The following WASF3 variants were observed in gnomAD, a reference collection of about 807,000 sequenced individuals.
The protein encoded by WASF3 is actin-binding protein WASF3.
A neutral mutation model predicts 46.6 loss-of-function variants in WASF3; 11 were observed. That is an observed-to-expected ratio of 0.24 (90% CI 0.15 to 0.39). The LOEUF (loss-of-function observed/expected upper bound fraction) is 0.39, where lower values mean the gene tolerates loss of function less well. WASF3 is among the 10% of genes least tolerant of loss of function. The probability of loss-of-function intolerance (pLI) is 1.00; values close to 1 mark genes in which losing one functional copy is unlikely to be tolerated. For missense variants in WASF3, 576 were observed against 669.8 expected (o/e 0.86, Z 1.55); for synonymous variants, 242 against 259.7 (o/e 0.93, Z 0.65).
the WASF3 span, among the ~76,000 whole-genome samples, chr13:26,550,505 TA>T: frequency 6.6e-6 from 1 of 152,178 alleles, no homozygotes. Context: ...ACTCTCATTT[TA>T]TATAAGGGAA....
chr13:26,645,972 G>T (rs1041061408), intron 3 of WASF3, among the ~76,000 whole-genome samples: 6 of 152,156 alleles, frequency 3.9e-5, no homozygotes, highest in South Asian at 4.1e-4. Flanking sequence ...ACAAACTGAT[G>T]CCCCCAAATT....
At chr13:26,618,160 T>C (rs1315995168) in intron 2 of WASF3, among the ~76,000 whole-genome samples, 1 of 152,230 alleles carries the variant, frequency 6.6e-6, no homozygotes, top group African/African-American at 2.4e-5. Flanking sequence ...TGGAAGGCCA[T>C]AGTCACTATT....
chr13:26,622,483 C>T (rs1306372481), intron 2 of WASF3: 2 of 152,196 alleles, frequency 1.3e-5, no homozygotes, highest in Non-Finnish European at 1.5e-5. Context: ...ACAGTGTATT[C>T]TATGCATGAA....
In WASF3 at chr13:26,681,088, C is replaced by G; in HGVS notation, c.751C>G (p.Pro251Ala). ...HASDVTDYSY[P>A]ATPNHSLHPQ... ...ATCGGACGTTACGGATTACTCTTAC[C>G]CGGCTACTCCCAACCATTCTCTGCA... The change falls in exon 8 of 10, where the codon CCG (proline) becomes GCG (alanine). Residue 251 changes from proline to alanine, a missense_variant. By Grantham distance (27) the Pro-to-Ala change is conservative (BLOSUM62 -1). Around this residue, in one of 3 missense-constraint regions of WASF3, gnomAD observed 295 missense variants for 291.5 expected, o/e 1.01. Coordinates refer to ENST00000335327, the MANE Select transcript of WASF3 (RefSeq NM_006646.6). 1 of 1,613,998 alleles carries G rather than the reference C, an allele frequency of 6.2e-7. No individual in the cohort carries two copies. The highest frequency in any genetic ancestry group is 8.5e-7 in the Non-Finnish European group (1 of 1,179,958).
At chr13:26,580,935 T>TC (rs1879963009) in intron 1 of WASF3, among the ~76,000 whole-genome samples, 1 of 149,590 alleles carries the variant, frequency 6.7e-6, no homozygotes, top group African/African-American at 2.5e-5. Flanking sequence ...TAAATTTCTT[T>TC]TTTTTTTTTT....
At chr13:26,671,793 A>C in intron 5 of WASF3, 79 bp from the exon 6 acceptor site, 1 of 958,960 alleles carries the variant, frequency 1.0e-6, no homozygotes, top group Non-Finnish European at 1.6e-6. Context: ...TCATGAGTTC[A>C]AATCAAGTTA....
At position 26,687,868 on chromosome 13, in the gene WASF3, A is replaced by C. The variant is rs572312394; in HGVS notation, c.*2023A>C. On this transcript the variant is annotated 3_prime_UTR_variant, in exon 10 of 10. Coordinates refer to ENST00000335327, the MANE Select transcript of WASF3 (RefSeq NM_006646.6). ...TGTGGGTCTAGAACTCCCCTTTGGT[A>C]ATGCTTCTTTGTTTTTTTATGGCCC... 4.6e-5 allele frequency: 7 copies of C among 152,072 alleles called. No individual in the cohort carries two copies. The South Asian group carries it at 1.2e-3, about 27-fold the overall frequency. The allele number at this position is 152,072 out of a possible 1,614,324, so 9.4% of individuals were successfully genotyped here. A position where few individuals can be genotyped will look rare whatever the true frequency, so the allele number is the denominator to read the frequency against.
At chr13:26,571,756 A>G (rs921419237) in intron 1 of WASF3, among the ~76,000 whole-genome samples, 3 of 152,226 alleles carry the variant, frequency 2.0e-5, no homozygotes, top group African/African-American at 7.2e-5. Context: ...GTTGAGCTCC[A>G]TTAAAAAGCT....
chr13:26,613,567 C>A (rs539428927), intron 2 of WASF3, among the ~76,000 whole-genome samples: 1 of 152,016 alleles, frequency 6.6e-6, no homozygotes, highest in Admixed American at 6.6e-5. Flanking sequence ...CAGGAGATCG[C>A]GACCATCCTG....
chr13:26,558,403 C>G (rs547151275), intron 1 of WASF3, among the ~76,000 whole-genome samples: 8 of 152,178 alleles, frequency 5.3e-5, no homozygotes, highest in Non-Finnish European at 1.0e-4. Flanking sequence ...GGCTCCCGGC[C>G]TCGGAGACCA....
At chr13:26,645,722 G>A (rs1882130595) in intron 3 of WASF3, among the ~76,000 whole-genome samples, 1 of 152,108 alleles carries the variant, frequency 6.6e-6, no homozygotes, top group South Asian at 2.1e-4. Context: ...AAAAATATGT[G>A]ACCTGTAATC....
At chr13:26,568,939 T>G (rs1879552503) in intron 1 of WASF3, among the ~76,000 whole-genome samples, 1 of 152,218 alleles carries the variant, frequency 6.6e-6, no homozygotes, top group Non-Finnish European at 1.5e-5. Flanking sequence ...AGTTATTGGA[T>G]ATGACCCAAT....
intron 1 of WASF3, chr13:26,577,418 A>G: frequency 1.3e-6 from 1 of 789,458 alleles, no homozygotes; most frequent in Non-Finnish European, 2.3e-6. Flanking sequence ...GGTGCAGAAA[A>G]ATGACTTGAA....
chr13:26,584,520 G>A (rs1163144808), intron 1 of WASF3, among the ~76,000 whole-genome samples: 6 of 152,184 alleles, frequency 3.9e-5, no homozygotes, highest in African/African-American at 7.2e-5. Flanking sequence ...AGTTCTGGTC[G>A]TTAACCAGCG....
At chr13:26,611,575 AATC>A (rs768967894) in intron 1 of WASF3, among the ~76,000 whole-genome samples, 4 of 152,134 alleles carry the variant, frequency 2.6e-5, no homozygotes, top group African/African-American at 4.8e-5. Flanking sequence ...TTACCCTCAA[AATC>A]ATCAAGTCGA....
chr13:26,569,814 T>C (rs556897531), intron 1 of WASF3, among the ~76,000 whole-genome samples: 1 of 152,188 alleles, frequency 6.6e-6, no homozygotes, highest in African/African-American at 2.4e-5. Flanking sequence ...GATTAATAAA[T>C]TAAAATAAAA....
chr13:26,630,436 T>C (rs1031749186), intron 2 of WASF3, among the ~76,000 whole-genome samples: 1 of 152,144 alleles, frequency 6.6e-6, no homozygotes, highest in Non-Finnish European at 1.5e-5. Flanking sequence ...TGTGATAGTT[T>C]GCTGAGAAGG....
At chr13:26,652,405 C>G (rs1882339431) in intron 3 of WASF3, among the ~76,000 whole-genome samples, 1 of 152,136 alleles carries the variant, frequency 6.6e-6, no homozygotes, top group Non-Finnish European at 1.5e-5. Flanking sequence ...AGTAGGCAAA[C>G]TCAAAATCAT....
chr13:26,639,282 A>C (rs1019656891), intron 2 of WASF3, among the ~76,000 whole-genome samples: 4 of 152,196 alleles, frequency 2.6e-5, no homozygotes, highest in Non-Finnish European at 5.9e-5. Flanking sequence ...TAGGAGTTCC[A>C]AATAGAGGTT....
Sources: allele counts gnomAD v4.1 joint callset (sites outside exome capture counted in the v4.1 genomes callset), GRCh38; gene constraint gnomAD v4.1.1; regional missense constraint gnomAD v4.1.1; transcripts MANE v1.5; gene names NCBI Gene and HGNC (gene_info 2026-07-23, HGNC 2026-07-21).